Variants in ADGRL4 observed in about 807,000 individuals in gnomAD.
ADGRL4 encodes adhesion G protein-coupled receptor L4, also known as EGF, latrophilin and seven transmembrane domain containing 1.
A neutral mutation model predicts 74.8 loss-of-function variants in ADGRL4; 90 were observed. The observed-to-expected ratio is 1.20, with a 90% CI of 1.02 to 1.43. The LOEUF (loss-of-function observed/expected upper bound fraction) is 1.43. ADGRL4 is among the 40% of genes most tolerant of loss of function. ADGRL4 has a pLI of 0.00. For missense variants in ADGRL4, 881 were observed against 814.3 expected (o/e 1.08, Z -1.00); for synonymous variants, 311 against 279.2 (o/e 1.11, Z -1.14).
intron 2 of ADGRL4, among the ~76,000 whole-genome samples, chr1:78,959,337 C>A (rs1649896503): frequency 1.3e-5 from 2 of 152,136 alleles, no homozygotes. Context: ...TTATCAGCTA[C>A]AAAATTGGCA....
chr1:78,916,232 C>T (rs765382374), intron 12 of ADGRL4, among the ~76,000 whole-genome samples: 1 of 151,834 alleles, frequency 6.6e-6, no homozygotes, highest in Non-Finnish European at 1.5e-5. Flanking sequence ...GAAGTATGCT[C>T]CTGTTTTTGT....
chr1:78,916,233 C>T (rs1648870145), intron 12 of ADGRL4, among the ~76,000 whole-genome samples: 1 of 151,794 alleles, frequency 6.6e-6, no homozygotes, highest in Non-Finnish European at 1.5e-5. Flanking sequence ...AAGTATGCTC[C>T]TGTTTTTGTT....
At chr1:78,974,851 T>C (rs1650245184) in intron 2 of ADGRL4, among the ~76,000 whole-genome samples, 1 of 152,192 alleles carries the variant, frequency 6.6e-6, no homozygotes, top group South Asian at 2.1e-4. Flanking sequence ...CCCATTTAGA[T>C]AATTCAGGAT....
intron 2 of ADGRL4, among the ~76,000 whole-genome samples, chr1:78,955,642 ATGAG>A (rs1379715747): frequency 6.6e-6 from 1 of 152,038 alleles, no homozygotes; most frequent in Non-Finnish European, 1.5e-5. Context: ...TTTTCCTAAA[ATGAG>A]TAAGTTTTTT....
At chr1:78,955,219 T>G (rs1161018313) in intron 2 of ADGRL4, among the ~76,000 whole-genome samples, 1 of 152,136 alleles carries the variant, frequency 6.6e-6, no homozygotes, top group Non-Finnish European at 1.5e-5. Context: ...TATATTTACA[T>G]GACATTTATT....
At chr1:78,953,139 A>C (rs1215943597) in intron 2 of ADGRL4, among the ~76,000 whole-genome samples, 2 of 152,200 alleles carry the variant, frequency 1.3e-5, no homozygotes, top group Non-Finnish European at 2.9e-5. Flanking sequence ...ACATATTGGA[A>C]ACCACTTATC....
chr1:78,915,221 T>C (rs1648847236), intron 12 of ADGRL4, among the ~76,000 whole-genome samples: 2 of 151,898 alleles, frequency 1.3e-5, no homozygotes, highest in African/African-American at 4.8e-5. Flanking sequence ...AATACTCCAG[T>C]AAGCACATTG....
In ADGRL4 at chr1:78,926,876, A is replaced by G. The variant is rs1649125724; in HGVS notation, c.1083+10T>C. ...AATCATAGCCAATAACTACCAGAAAAACAGCTTACCTTTCGATGACTTAAT... is the reference window on the plus strand; with the variant it reads ...AATCATAGCCAATAACTACCAGAAAGACAGCTTACCTTTCGATGACTTAAT... On this transcript the variant is annotated intron_variant, in intron 8 of 14. Coordinates refer to ENST00000370742, the MANE Select transcript of ADGRL4 (RefSeq NM_022159.4). 1 of 1,602,438 alleles carries G rather than the reference A, an allele frequency of 6.2e-7. No homozygotes were observed.
chr1:78,937,692 A>T, intron 6 of ADGRL4, 115 bp downstream of exon 6: 1 of 877,624 alleles, frequency 1.1e-6, no homozygotes, highest in Non-Finnish European at 1.8e-6. Flanking sequence ...TGATAAAACT[A>T]CTTTCAATGT....
At chr1:78,900,472 G>A (rs1016308586) in intron 12 of ADGRL4, among the ~76,000 whole-genome samples, 11 of 152,196 alleles carry the variant, frequency 7.2e-5, no homozygotes, top group African/African-American at 1.4e-4. Flanking sequence ...AGAAATACAC[G>A]CACATGTACA....
At chr1:78,992,576 C>T (rs183138166) in intron 2 of ADGRL4, among the ~76,000 whole-genome samples, 67 of 152,130 alleles carry the variant, frequency 4.4e-4, no homozygotes, top group Non-Finnish European at 8.1e-4. Flanking sequence ...CCTCCTAATA[C>T]TCTCATTCTT....
chr1:78,945,009 C>CA (rs2100694393), intron 3 of ADGRL4, among the ~76,000 whole-genome samples: 1 of 151,612 alleles, frequency 6.6e-6, no homozygotes, highest in East Asian at 2.0e-4. Context: ...TACTAAAATA[C>CA]AAAAAATTAG....
chr1:78,938,092 A>G lies in ADGRL4; in HGVS notation c.576+8T>C. On this transcript the variant is annotated splice_region_variant and intron_variant, in intron 5 of 14. Transcript: ENST00000370742. ...CAATTATATTGAGTTAAAGCTGAACATACTTACAGTAAGAGTTGAGTTAGA... is the reference window on the plus strand; with the variant it reads ...CAATTATATTGAGTTAAAGCTGAACGTACTTACAGTAAGAGTTGAGTTAGA... 4 of 1,611,964 alleles carry G rather than the reference A, an allele frequency of 2.5e-6. No homozygotes were observed. Among genetic ancestry groups the G allele is most frequent in the Non-Finnish European group, 2.5e-6 (3 of 1,179,306 alleles).
chr1:78,986,737 T>C (rs1356365310), intron 2 of ADGRL4, among the ~76,000 whole-genome samples: 1 of 151,874 alleles, frequency 6.6e-6, no homozygotes, highest in Non-Finnish European at 1.5e-5. Flanking sequence ...AACTGTGCTT[T>C]CACTAAAATT....
chr1:78,979,556 C>A (rs1338749230), intron 2 of ADGRL4, among the ~76,000 whole-genome samples: 4 of 151,730 alleles, frequency 2.6e-5, no homozygotes, highest in African/African-American at 9.7e-5. Flanking sequence ...GGGTATCTGC[C>A]CAAAGGAAAA....
intron 2 of ADGRL4, among the ~76,000 whole-genome samples, chr1:78,962,217 C>T (rs1446019759): frequency 3.9e-5 from 6 of 152,078 alleles, no homozygotes; most frequent in East Asian, 1.9e-4. Flanking sequence ...TAATGTGCTC[C>T]GAATATGCCT....
At chr1:79,005,929 CA>C (rs566129853) in intron 1 of ADGRL4, among the ~76,000 whole-genome samples, 5 of 146,526 alleles carry the variant, frequency 3.4e-5, no homozygotes, top group South Asian at 2.2e-4. Flanking sequence ...CAAATGTGAA[CA>C]AAAAAAAATG....
At chr1:78,892,992 G>A (rs1648316622) in intron 13 of ADGRL4, 106 bp downstream of exon 13, 1 of 669,412 alleles carries the variant, frequency 1.5e-6, no homozygotes, top group South Asian at 2.0e-5. Context: ...GGTAAAGTAT[G>A]AAACAATCAT....
In ADGRL4 at chr1:78,920,206, C is replaced by T; in HGVS notation, c.1438G>A (p.Gly480Arg). 6.2e-7 allele frequency: 1 copy of T among 1,611,244 alleles called. No individual in the cohort carries two copies. The highest frequency in any genetic ancestry group is 1.3e-5 in the African/African-American group (1 of 74,830). ...ACCTTATTAGTATTTGTATTGATCC[C>T]AACAAGAAAAACAAGTTCAGCAAGA... ...LFLAELVFLV[G>R]INTNTNKLFC... The change falls in exon 10 of 15, where the codon GGG becomes AGG. Residue 480 changes from glycine to arginine, a missense_variant. Gly to Arg is a moderately radical substitution (Grantham distance 125, BLOSUM62 -2). Coordinates refer to ENST00000370742, the MANE Select transcript of ADGRL4 (RefSeq NM_022159.4).
Sources: gnomAD v4.1 joint callset for allele counts (sites outside exome capture counted in the v4.1 genomes callset) on GRCh38, gnomAD v4.1.1 for gene constraint, MANE v1.5 for transcripts, NCBI Gene and HGNC (gene_info 2026-07-23, HGNC 2026-07-21) for gene names.